IGSF21: variants seen among roughly 807,000 people sequenced by gnomAD.
IGSF21 encodes immunoglobin superfamily member 21, also known as immunoglobulin superfamily member 21.
In IGSF21, 28 loss-of-function variants were observed where a neutral mutation model predicts 46.8. The observed-to-expected ratio is 0.60, with a 90% CI of 0.44 to 0.82. IGSF21 has a LOEUF of 0.82. Among genes scored for constraint, IGSF21 ranks in the 40% least tolerant of loss-of-function variants. The probability of loss-of-function intolerance (pLI) is 0.00; values close to 1 mark genes in which losing one functional copy is unlikely to be tolerated. For missense variants in IGSF21, 624 were observed against 665.5 expected (o/e 0.94, Z 0.69); for synonymous variants, 284 against 273.6 (o/e 1.04, Z -0.38).
intron 4 of IGSF21, among the ~76,000 whole-genome samples, chr1:18,339,925 C>T (rs11800485): frequency 0.02 from 3,092 of 152,292 alleles, 99 homozygotes; most frequent in African/African-American, 0.069. Flanking sequence ...TTCTCAAACC[C>T]TCTGAAAGGA....
intron 2 of IGSF21, among the ~76,000 whole-genome samples, chr1:18,268,222 C>T (rs2085008401): frequency 1.3e-5 from 2 of 152,224 alleles, no homozygotes; most frequent in South Asian, 4.1e-4. Context: ...GATGGGAAAA[C>T]AGAACTTTGG....
At chr1:18,360,087 A>T (rs2124628932) in intron 4 of IGSF21, among the ~76,000 whole-genome samples, 1 of 152,296 alleles carries the variant, frequency 6.6e-6, no homozygotes, top group South Asian at 2.1e-4. Context: ...CACACATGTT[A>T]AGAACTCAGA....
chr1:18,342,160 C>G (rs2085849530), intron 4 of IGSF21, among the ~76,000 whole-genome samples: 1 of 151,580 alleles, frequency 6.6e-6, no homozygotes, highest in Non-Finnish European at 1.5e-5. Flanking sequence ...GTGGCATGAT[C>G]TCAACTCACT....
intron 1 of IGSF21, among the ~76,000 whole-genome samples, chr1:18,133,168 A>T (rs569078941): frequency 8.5e-4 from 130 of 152,322 alleles, no homozygotes; most frequent in Middle Eastern, 6.8e-3. Flanking sequence ...GGAAAGCTGG[A>T]TTTGGCTTCA....
intron 1 of IGSF21, among the ~76,000 whole-genome samples, chr1:18,177,392 G>GGTAT (rs59324326): frequency 8.0e-6 from 1 of 125,016 alleles, no homozygotes; most frequent in African/African-American, 3.1e-5. Context: ...GGGTCAGTGA[G>GGTAT]GTGTGTGTGT....
chr1:18,220,030 C>A (rs1243924524), intron 1 of IGSF21, among the ~76,000 whole-genome samples: 4 of 152,138 alleles, frequency 2.6e-5, no homozygotes, highest in Non-Finnish European at 5.9e-5. Flanking sequence ...AGCAGCAGCT[C>A]CTCTTGCAGC....
intron 1 of IGSF21, among the ~76,000 whole-genome samples, chr1:18,210,916 G>A (rs1055962573): frequency 3.9e-5 from 6 of 152,010 alleles, no homozygotes; most frequent in Admixed American, 2.6e-4. Context: ...CACTCAGGCT[G>A]GAGTGCAGTG....
At chr1:18,364,587 T>A (rs1237788597) in intron 5 of IGSF21, among the ~76,000 whole-genome samples, 1 of 151,846 alleles carries the variant, frequency 6.6e-6, no homozygotes, top group African/African-American at 2.4e-5. Context: ...AGACAGCAAA[T>A]TAAATTAAAT....
At chr1:18,186,716 G>T (rs1056062451) in intron 1 of IGSF21, among the ~76,000 whole-genome samples, 2 of 152,140 alleles carry the variant, frequency 1.3e-5, no homozygotes, top group Non-Finnish European at 2.9e-5. Context: ...AGAAGGACCT[G>T]TTTTTACCTT....
At chr1:18,282,735 A>G (rs1201580637) in intron 2 of IGSF21, among the ~76,000 whole-genome samples, 1 of 152,022 alleles carries the variant, frequency 6.6e-6, no homozygotes, top group Non-Finnish European at 1.5e-5. Context: ...CTGTGGGTGC[A>G]GGCATTGTGC....
At chr1:18,344,340 T>A (rs918344710) in intron 4 of IGSF21, among the ~76,000 whole-genome samples, 4 of 152,128 alleles carry the variant, frequency 2.6e-5, no homozygotes, top group African/African-American at 4.8e-5. Flanking sequence ...GGCTAATTTT[T>A]AAAAATTTTT....
chr1:18,262,347 C>T (rs542462451), intron 2 of IGSF21, among the ~76,000 whole-genome samples: 28 of 152,282 alleles, frequency 1.8e-4, no homozygotes, highest in Admixed American at 8.5e-4. Flanking sequence ...CAAGTGGACA[C>T]GTGAGGACGG....
At chr1:18,126,657 C>G (rs1394233427) in intron 1 of IGSF21, among the ~76,000 whole-genome samples, 2 of 152,176 alleles carry the variant, frequency 1.3e-5, no homozygotes, top group East Asian at 3.9e-4. Flanking sequence ...AACCTCTCCT[C>G]TGCCAGCCCA....
intron 1 of IGSF21, among the ~76,000 whole-genome samples, chr1:18,129,858 A>G (rs2086302626): frequency 6.6e-6 from 1 of 152,172 alleles, no homozygotes; most frequent in Admixed American, 6.5e-5. Flanking sequence ...GCTGTTATCA[A>G]TGGGTGAGTC....
At chr1:18,229,973 A>T (rs2084606787) in intron 2 of IGSF21, among the ~76,000 whole-genome samples, 1 of 152,268 alleles carries the variant, frequency 6.6e-6, no homozygotes, top group African/African-American at 2.4e-5. Context: ...TAATGGAGCG[A>T]AATGGAAGGA....
chr1:18,133,887 C>CA (rs1364490076), intron 1 of IGSF21, among the ~76,000 whole-genome samples: 8 of 152,208 alleles, frequency 5.3e-5, no homozygotes, highest in African/African-American at 1.9e-4. Flanking sequence ...CCACACGGGT[C>CA]AGTGACTTCA....
chr1:18,362,529 CCA>C (rs1206717882), intron 5 of IGSF21, among the ~76,000 whole-genome samples: 1 of 152,214 alleles, frequency 6.6e-6, no homozygotes, highest in East Asian at 1.9e-4. Flanking sequence ...ATGCCTGACC[CCA>C]GTTATTGAGT....
intron 2 of IGSF21, among the ~76,000 whole-genome samples, chr1:18,270,948 C>T (rs773550142): frequency 2.0e-5 from 3 of 152,190 alleles, no homozygotes; most frequent in South Asian, 2.1e-4. Flanking sequence ...TTTACCTGAC[C>T]GTGCAAGTAA....
intron 1 of IGSF21, among the ~76,000 whole-genome samples, chr1:18,213,648 C>T (rs796126751): frequency 1.1e-4 from 16 of 152,262 alleles, no homozygotes; most frequent in African/African-American, 3.4e-4. Flanking sequence ...GGGGAGCACA[C>T]GGCCATCTTC....
Sources: gnomAD v4.1 joint callset for allele counts (sites outside exome capture counted in the v4.1 genomes callset) on GRCh38, gnomAD v4.1.1 for gene constraint, MANE v1.5 for transcripts, NCBI Gene and HGNC (gene_info 2026-07-23, HGNC 2026-07-21) for gene names.